The following SMARCAL1 variants were observed in gnomAD, a reference collection of about 807,000 sequenced individuals.
The protein encoded by SMARCAL1 is ATP-driven annealing helicase.
A neutral mutation model predicts 94.5 loss-of-function variants in SMARCAL1; 58 were observed. The observed-to-expected ratio is 0.61, with a 90% CI of 0.50 to 0.76. SMARCAL1 has a LOEUF of 0.76. Among genes scored for constraint, SMARCAL1 ranks in the 30% least tolerant of loss-of-function variants. The probability of loss-of-function intolerance (pLI) is 0.00; values close to 1 mark genes in which losing one functional copy is unlikely to be tolerated. For missense variants in SMARCAL1, 1,051 were observed against 1,177.9 expected (o/e 0.89, Z 1.58); for synonymous variants, 422 against 455.1 (o/e 0.93, Z 0.93).
chr2:216,464,482 G>T, intron 12 of SMARCAL1, 115 bp from the exon 13 acceptor site: 2 of 831,128 alleles, frequency 2.4e-6, no homozygotes, highest in South Asian at 2.7e-5. Flanking sequence ...AGGGTCTCCT[G>T]ACTCTGGTGA....
At chr2:216,433,372 G>A (rs1180197476) in intron 8 of SMARCAL1, among the ~76,000 whole-genome samples, 1 of 151,970 alleles carries the variant, frequency 6.6e-6, no homozygotes, top group Admixed American at 6.6e-5. Flanking sequence ...GAGCCACTGT[G>A]CCCGGCCCAC....
At chr2:216,467,891 T>G (rs1304998464) in intron 13 of SMARCAL1, 53 bp from the exon 14 acceptor site, 1 of 1,104,274 alleles carries the variant, frequency 9.1e-7, no homozygotes, top group African/African-American at 1.5e-5. Flanking sequence ...CAGAGACACA[T>G]AAAACATAAG....
chr2:216,434,502 C>T (rs1694034120), intron 8 of SMARCAL1, among the ~76,000 whole-genome samples: 1 of 151,996 alleles, frequency 6.6e-6, no homozygotes, highest in African/African-American at 2.4e-5. Flanking sequence ...TTAGAGATCA[C>T]AGAAATGAAA....
intron 5 of SMARCAL1, among the ~76,000 whole-genome samples, chr2:216,421,800 C>T (rs1693727363): frequency 1.3e-5 from 2 of 152,204 alleles, no homozygotes; most frequent in Admixed American, 1.3e-4. Context: ...CTTAAAACCT[C>T]ATGCCTTTGA....
chr2:216,415,270 A>C lies in SMARCAL1; in HGVS notation c.566A>C (p.Lys189Thr), dbSNP rs755477133. 2 of 1,614,244 alleles carry C rather than the reference A, an allele frequency of 1.2e-6. No homozygotes were observed. The highest frequency in any genetic ancestry group is 2.2e-5 in the South Asian group (2 of 91,074). ...TCTGGACAGCCTCCCAGGGATGCTA[A>C]GTTAGAGGCCAAGACAGCAAAAGCC... is the stretch of plus-strand genomic sequence containing the variant. ...HSSGQPPRDAKLEAKTAKASP... is the reference protein window; with the variant it reads ...HSSGQPPRDATLEAKTAKASP... Residue 189 changes from lysine to threonine, a missense_variant, in exon 3 of 18, where the codon AAG becomes ACG. Lys to Thr is a moderately conservative substitution (Grantham distance 78, BLOSUM62 -1). Around this residue, in one of 3 missense-constraint regions of SMARCAL1, gnomAD observed 398 missense variants for 395.2 expected, o/e 1.01. Coordinates refer to ENST00000357276, the MANE Select transcript of SMARCAL1 (RefSeq NM_014140.4).
intron 6 of SMARCAL1, chr2:216,427,441 A>G (rs756729237): frequency 6.6e-6 from 1 of 152,274 alleles, no homozygotes; most frequent in Admixed American, 6.5e-5. Flanking sequence ...CTTAGCTTTC[A>G]TCAGGTATTT....
intron 12 of SMARCAL1, among the ~76,000 whole-genome samples, chr2:216,461,764 T>A (rs1694711850): frequency 6.6e-6 from 1 of 151,606 alleles, no homozygotes. Context: ...AGTCTGGGAG[T>A]TTGGGGCTGA....
chr2:216,424,706 C>CT (rs1322760619), intron 6 of SMARCAL1, among the ~76,000 whole-genome samples: 2 of 152,158 alleles, frequency 1.3e-5, no homozygotes, highest in African/African-American at 4.8e-5. Context: ...TCTTTAATCT[C>CT]TATCTGCTCT....
At chr2:216,433,087 C>A (rs778651258) in intron 8 of SMARCAL1, among the ~76,000 whole-genome samples, 2 of 152,094 alleles carry the variant, frequency 1.3e-5, no homozygotes, top group African/African-American at 2.4e-5. Context: ...AAGGAGAAAC[C>A]GGCTTAGAGA....
At position 216,415,394 on chromosome 2, in the gene SMARCAL1, C is replaced by T. The variant is rs757584821; in HGVS notation, c.690C>T (p.Val230=). The T allele has an allele frequency of 3.7e-6, 6 of 1,614,024 alleles. No homozygotes were observed. Among genetic ancestry groups the T allele is most frequent in the Admixed American group, 3.3e-5 (2 of 60,000 alleles). The change falls in exon 3 of 18, where the codon GTC becomes GTT. Residue 230 remains valine, a synonymous_variant. Transcript: ENST00000357276. ...TCCAGCAGAAGTCAGGGTCCTCAGT[C>T]CAAAAAGGAGTGAACTCTCAGAAGG... ...GRLQQKSGSS[V]QKGVNSQKGK...
intron 8 of SMARCAL1, among the ~76,000 whole-genome samples, chr2:216,433,836 C>T (rs1192951536): frequency 1.3e-5 from 2 of 151,916 alleles, no homozygotes; most frequent in Non-Finnish European, 2.9e-5. Flanking sequence ...CCTGAGGCCT[C>T]CATGAGCCAT....
rs372180469 is a variant in SMARCAL1, at chr2:216,441,412, G to A, written c.1710+2927G>A. On this transcript the variant is annotated intron_variant, in intron 10 of 17. Coordinates refer to ENST00000357276, the MANE Select transcript of SMARCAL1 (RefSeq NM_014140.4). ...TAAATATATGAAAGTAGACCAGATA[G>A]AAGCTAAAAAGAACAAAGTTAAAAT... Among the ~76,000 whole-genome samples, 50 of 152,224 alleles carry A rather than the reference G, an allele frequency of 3.3e-4. 1 individual carries two copies. In the East Asian group the frequency reaches 9.3e-3, roughly 28 times the overall value.
chr2:216,446,834 C>T, intron 10 of SMARCAL1, 184 bp from the exon 11 acceptor site: 1 of 694,744 alleles, frequency 1.4e-6, no homozygotes, highest in Non-Finnish European at 2.6e-6. Context: ...AGAGGGCAGG[C>T]AGGGAGGATT....
intron 4 of SMARCAL1, 74 bp from the exon 5 acceptor site, chr2:216,420,224 TC>T: frequency 2.5e-6 from 3 of 1,223,430 alleles, no homozygotes; most frequent in South Asian, 1.3e-5. Context: ...TTCTCCCTCT[TC>T]CCTTGCCTGT....
intron 11 of SMARCAL1, among the ~76,000 whole-genome samples, chr2:216,450,270 A>C (rs1694418399): frequency 6.6e-6 from 1 of 152,218 alleles, no homozygotes; most frequent in East Asian, 1.9e-4. Context: ...CCAGACTGCC[A>C]GAAGCCTATG....
rs188825116 is a variant in SMARCAL1 at position 216,478,324 on chromosome 2, C to A, written c.2625+25C>A. ...GGTAATGCCAGCACATGGCTCTTCACCCCTGGAGCAGAGGGAGGCATTAAG... is the reference window on the plus strand; with the variant it reads ...GGTAATGCCAGCACATGGCTCTTCAACCCTGGAGCAGAGGGAGGCATTAAG... On this transcript the variant is annotated intron_variant, in intron 17 of 17. Coordinates refer to ENST00000357276, the MANE Select transcript of SMARCAL1 (RefSeq NM_014140.4). The A allele has an allele frequency of 9.8e-5, 153 of 1,557,158 alleles. 1 individual carries two copies. The highest frequency in any genetic ancestry group is 1.2e-4 in the Non-Finnish European group (132 of 1,128,442).
intron 5 of SMARCAL1, among the ~76,000 whole-genome samples, chr2:216,421,147 T>C (rs182515517): frequency 2.7e-4 from 41 of 152,298 alleles, no homozygotes; most frequent in Admixed American, 2.4e-3. Context: ...CGATGCCTGG[T>C]TCTTACCCAG....
At chr2:216,469,207 A>G (rs1055115862) in intron 14 of SMARCAL1, among the ~76,000 whole-genome samples, 2 of 151,836 alleles carry the variant, frequency 1.3e-5, no homozygotes, top group Non-Finnish European at 1.5e-5. Context: ...ATTTTTAAAA[A>G]TTTAAAATAA....
chr2:216,481,048 A>G lies in SMARCAL1; in HGVS notation c.2626-1690A>G, dbSNP rs1695184800. ...GAACTAATGGGGGGAACAAACTTGC[A>G]TAAGCCGAGGACTCTGTTTGCCTGG... On this transcript the variant is annotated intron_variant, in intron 17 of 17. Transcript: ENST00000357276. Among the ~76,000 whole-genome samples the G allele has an allele frequency of 2.6e-5, 4 of 152,180 alleles. No homozygotes were observed. In the South Asian group the frequency reaches 8.3e-4, roughly 32 times the overall value.
Sources: allele counts gnomAD v4.1 joint callset (sites outside exome capture counted in the v4.1 genomes callset), GRCh38; gene constraint gnomAD v4.1.1; regional missense constraint gnomAD v4.1.1; transcripts MANE v1.5; gene names NCBI Gene and HGNC (gene_info 2026-07-23, HGNC 2026-07-21).